The following PTPN4 variants were observed in gnomAD, a reference collection of about 807,000 sequenced individuals.
PTPN4 encodes the protein protein tyrosine phosphatase non-receptor type 4.
PTPN4 carries 49 observed loss-of-function variants against 135.5 expected under a neutral mutation model. The ratio of observed to expected loss-of-function variants is 0.36; its 90% CI spans 0.29 to 0.46. The LOEUF (loss-of-function observed/expected upper bound fraction) is 0.46. Among genes scored for constraint, PTPN4 ranks in the 20% least tolerant of loss-of-function variants. The probability of loss-of-function intolerance (pLI) is 1.00; values close to 1 mark genes in which losing one functional copy is unlikely to be tolerated. For missense variants in PTPN4, 860 were observed against 1,101.0 expected (o/e 0.78, Z 3.10); for synonymous variants, 333 against 369.9 (o/e 0.90, Z 1.14).
chr2:119,854,809 G>A (rs868660876), intron 2 of PTPN4, among the ~76,000 whole-genome samples: 4 of 152,222 alleles, frequency 2.6e-5, no homozygotes, highest in Non-Finnish European at 4.4e-5. Flanking sequence ...GCTGAAGCCT[G>A]CGTTGTTTCT....
intron 26 of PTPN4, among the ~76,000 whole-genome samples, chr2:119,970,989 G>A (rs1679525761): frequency 6.6e-6 from 1 of 152,126 alleles, no homozygotes; most frequent in Non-Finnish European, 1.5e-5. Context: ...CATCCTGCTG[G>A]GTATGAAGTA....
intron 3 of PTPN4, among the ~76,000 whole-genome samples, chr2:119,865,969 G>T (rs3106249): frequency 0.01 from 1,569 of 152,042 alleles, 31 homozygotes; most frequent in African/African-American, 0.036. Context: ...ATGAGTTCCA[G>T]TGCAACAAAG....
chr2:119,965,170 G>A (rs894645825), intron 24 of PTPN4, among the ~76,000 whole-genome samples: 3 of 152,182 alleles, frequency 2.0e-5, no homozygotes, highest in African/African-American at 7.2e-5. Flanking sequence ...AACTGAGTCA[G>A]TAGTTTCATC....
intron 1 of PTPN4, among the ~76,000 whole-genome samples, chr2:119,763,086 G>A (rs1690540213): frequency 6.6e-6 from 1 of 152,100 alleles, no homozygotes; most frequent in Non-Finnish European, 1.5e-5. Flanking sequence ...TGATATGAAA[G>A]TACCATTGTC....
At chr2:119,891,759 T>C (rs1678244233) in intron 9 of PTPN4, among the ~76,000 whole-genome samples, 1 of 152,254 alleles carries the variant, frequency 6.6e-6, no homozygotes, top group Admixed American at 6.5e-5. Flanking sequence ...ATTTGAATTC[T>C]TTATTTCATG....
At chr2:119,799,129 C>T (rs888646018) in intron 1 of PTPN4, among the ~76,000 whole-genome samples, 1 of 152,166 alleles carries the variant, frequency 6.6e-6, no homozygotes, top group South Asian at 2.1e-4. Flanking sequence ...TGTTATTTTT[C>T]GGCTTCAGAT....
At chr2:119,929,396 C>A (rs1392802927) in intron 13 of PTPN4, among the ~76,000 whole-genome samples, 2 of 151,718 alleles carry the variant, frequency 1.3e-5, no homozygotes, top group Non-Finnish European at 2.9e-5. Flanking sequence ...AGAAAAGGCT[C>A]CTCCTTAAAC....
At chr2:119,972,328 G>A (rs1240661613) in intron 26 of PTPN4, among the ~76,000 whole-genome samples, 2 of 152,116 alleles carry the variant, frequency 1.3e-5, no homozygotes, top group African/African-American at 2.4e-5. Flanking sequence ...AATTTTAATT[G>A]TAGTTTTCAG....
intron 3 of PTPN4, among the ~76,000 whole-genome samples, chr2:119,871,575 G>A (rs946974742): frequency 1.3e-5 from 2 of 151,996 alleles, no homozygotes; most frequent in Non-Finnish European, 2.9e-5. Context: ...CTTGTATGCA[G>A]GTGTACCACA....
At chr2:119,779,650 A>C (rs1558723053) in intron 1 of PTPN4, among the ~76,000 whole-genome samples, 2 of 151,570 alleles carry the variant, frequency 1.3e-5, no homozygotes, top group Admixed American at 6.6e-5. Context: ...GCTATCGAGG[A>C]TACTTTTTCG....
At chr2:119,785,900 G>A (rs1013020161) in intron 1 of PTPN4, among the ~76,000 whole-genome samples, 15 of 152,170 alleles carry the variant, frequency 9.9e-5, no homozygotes, top group African/African-American at 3.6e-4. Flanking sequence ...TGCAGTATAA[G>A]TGCTCCCATG....
At chr2:119,873,294 A>G (rs1191037217) in intron 3 of PTPN4, among the ~76,000 whole-genome samples, 2 of 152,164 alleles carry the variant, frequency 1.3e-5, no homozygotes, top group African/African-American at 4.8e-5. Context: ...TCCAAGTACA[A>G]TGAAAATGGT....
At chr2:119,931,433 CTTTTTTTTTTTTTTTT>C (rs1158907026) in intron 13 of PTPN4, among the ~76,000 whole-genome samples, 3 of 83,366 alleles carry the variant, frequency 3.6e-5, no homozygotes, top group Admixed American at 1.2e-4. Context: ...TTCTTTCTTT[CTTTTTTTTTTTTTTTT>C]TTTTTTTTTT....
chr2:119,803,421 T>G (rs1691409079), intron 1 of PTPN4, among the ~76,000 whole-genome samples: 1 of 152,228 alleles, frequency 6.6e-6, no homozygotes, highest in East Asian at 1.9e-4. Flanking sequence ...TAAGATTTCC[T>G]CTTTGTCCAG....
At chr2:119,802,579 T>C (rs1691396660) in intron 1 of PTPN4, among the ~76,000 whole-genome samples, 1 of 152,236 alleles carries the variant, frequency 6.6e-6, no homozygotes, top group Non-Finnish European at 1.5e-5. Flanking sequence ...CCTTGGTACA[T>C]GGTATGTAAT....
chr2:119,830,485 A>G (rs540577977), intron 2 of PTPN4, among the ~76,000 whole-genome samples: 5 of 151,008 alleles, frequency 3.3e-5, no homozygotes, highest in Admixed American at 2.6e-4. Context: ...CTCTCTCTCT[A>G]TTTTTTGAGA....
chr2:119,782,406 G>A (rs925284477), intron 1 of PTPN4, among the ~76,000 whole-genome samples: 5 of 152,026 alleles, frequency 3.3e-5, no homozygotes, highest in African/African-American at 7.3e-5. Flanking sequence ...GCGACAGAGC[G>A]AGACTCCGTC....
At chr2:119,793,846 GTTTTTTTTTTTT>G (rs55956611) in intron 1 of PTPN4, among the ~76,000 whole-genome samples, 2 of 24,798 alleles carry the variant, frequency 8.1e-5, no homozygotes, top group Non-Finnish European at 1.3e-4. Context: ...TTCATTTTTA[GTTTTTTTTTTTT>G]TTTTTTTTTT....
chr2:119,826,309 T>A (rs1382953806), intron 2 of PTPN4, among the ~76,000 whole-genome samples: 1 of 152,262 alleles, frequency 6.6e-6, no homozygotes, highest in East Asian at 1.9e-4. Context: ...TCCTCACTCA[T>A]GGAGTAGGAT....
Sources: gnomAD v4.1 joint callset for allele counts (sites outside exome capture counted in the v4.1 genomes callset) on GRCh38, gnomAD v4.1.1 for gene constraint, MANE v1.5 for transcripts, NCBI Gene and HGNC (gene_info 2026-07-23, HGNC 2026-07-21) for gene names.